BSN: variants seen among roughly 807,000 people sequenced by gnomAD.
BSN encodes protein bassoon.
Under a neutral mutation model 264.8 loss-of-function variants are expected in BSN, and 57 were observed. That is an observed-to-expected ratio of 0.22 (90% CI 0.17 to 0.27). The LOEUF (loss-of-function observed/expected upper bound fraction) is 0.27. Among genes scored for constraint, BSN ranks in the 10% least tolerant of loss-of-function variants. The probability of loss-of-function intolerance (pLI) is 1.00; values close to 1 mark genes in which losing one functional copy is unlikely to be tolerated. For synonymous variants in BSN, 2,059 were observed against 2,137.3 expected (o/e 0.96, Z 1.01); for missense variants, 4,615 against 5,232.5 (o/e 0.88, Z 3.64).
At chr3:49,627,247 C>G (rs1487531183) in intron 2 of BSN, among the ~76,000 whole-genome samples, 1 of 152,236 alleles carries the variant, frequency 6.6e-6, no homozygotes, top group African/African-American at 2.4e-5. Context: ...CTTTCCCAGA[C>G]TTGCTTTCAC....
At position 49,660,515 on chromosome 3, in the gene BSN, C is replaced by A; in HGVS notation, c.8670C>A (p.Val2890=). The A allele has an allele frequency of 6.5e-7, 1 of 1,543,064 alleles. No individual in the cohort carries two copies. The highest frequency in any genetic ancestry group is 1.3e-5 in the South Asian group (1 of 79,006). The part of the protein sequence containing the change: ...QVSALPPNSL[V]RKVKRTLPSP... Reference sequence around the variant, plus strand: ...CGGCGTTGCCACCCAACAGCCTGGTCCGCAAGGTGAAGCGGACACTGCCCA... The same window carrying A: ...CGGCGTTGCCACCCAACAGCCTGGTACGCAAGGTGAAGCGGACACTGCCCA... The change falls in exon 6 of 12, where the codon GTC becomes GTA. Residue 2890 remains valine, a synonymous_variant. Coordinates refer to ENST00000296452, the MANE Select transcript of BSN (RefSeq NM_003458.4). This position sits in a 1 kb window ranked among gnomAD's most constrained non-coding sequence, Gnocchi z 7.1.
chr3:49,657,059 T>C lies in BSN; in HGVS notation c.7503T>C (p.Tyr2501=). The C allele has an allele frequency of 6.2e-7, 1 of 1,609,980 alleles. No homozygotes were observed. Among genetic ancestry groups the C allele is most frequent in the South Asian group, 1.1e-5 (1 of 90,930 alleles). ...AAAELAQNGQ[Y]WPPLTHAAFI... ...CTGAGTTGGCCCAGAATGGCCAGTA[T>C]TGGCCCCCCCTTACACATGCAGCCT... Residue 2501 remains tyrosine, a synonymous_variant, in exon 5 of 12, where the codon TAT becomes TAC. Coordinates refer to ENST00000296452, the MANE Select transcript of BSN (RefSeq NM_003458.4).
chr3:49,608,755 G>T (rs936752435), intron 1 of BSN, among the ~76,000 whole-genome samples: 1 of 152,000 alleles, frequency 6.6e-6, no homozygotes, highest in Non-Finnish European at 1.5e-5. Flanking sequence ...TTGAACCCAG[G>T]AGGCGGAGGT....
intron 2 of BSN, among the ~76,000 whole-genome samples, chr3:49,626,545 T>C (rs1285515539): frequency 6.6e-6 from 1 of 152,120 alleles, no homozygotes; most frequent in African/African-American, 2.4e-5. Context: ...GCGTGCATGC[T>C]CGTGATTATT....
At chr3:49,579,334 G>A (rs1227309855) in intron 1 of BSN, among the ~76,000 whole-genome samples, 1 of 151,880 alleles carries the variant, frequency 6.6e-6, no homozygotes, top group Admixed American at 6.6e-5. Context: ...TCATTGTATG[G>A]ATGTACCACA....
intron 11 of BSN, among the ~76,000 whole-genome samples, chr3:49,666,776 C>T (rs571481632): frequency 2.9e-4 from 44 of 152,192 alleles, no homozygotes; most frequent in Admixed American, 9.8e-4. Context: ...GGGGTAAAGT[C>T]CAAGGGGGTG....
intron 1 of BSN, among the ~76,000 whole-genome samples, chr3:49,576,423 TTTTC>T: frequency 6.6e-6 from 1 of 151,620 alleles, no homozygotes; most frequent in Non-Finnish European, 1.5e-5. Context: ...CTTTTTTCTT[TTTTC>T]TTTTTTTTTT....
chr3:49,630,595 G>GACA (rs2052377477), intron 2 of BSN, among the ~76,000 whole-genome samples: 1 of 152,180 alleles, frequency 6.6e-6, no homozygotes, highest in African/African-American at 2.4e-5. Context: ...GCCGTGAGGA[G>GACA]ACAACAGGCA....
In BSN at chr3:49,593,777, GT is replaced by G. The variant is rs1182905384; in HGVS notation, c.225-31188del. ...GGTTCTTTATATATTCTAGATACTA[GT>G]TTTTTTTTTGTTTTGTTTTGTTTTT... is the stretch of plus-strand genomic sequence containing the variant. On this transcript the variant is annotated intron_variant, in intron 1 of 11. Coordinates refer to ENST00000296452, the MANE Select transcript of BSN (RefSeq NM_003458.4). 6.8e-4 allele frequency among the ~76,000 whole-genome samples: 90 copies of G among 131,838 alleles called. 1 individual carries two copies. The highest frequency in any genetic ancestry group is 2.8e-3 in the East Asian group (13 of 4,726). 86.5% of individuals were successfully genotyped at this position (131,838 alleles called of 152,430 possible).
chr3:49,557,575 G>GTTTTT (rs765139121), intron 1 of BSN, among the ~76,000 whole-genome samples: 7 of 132,458 alleles, frequency 5.3e-5, no homozygotes, highest in Non-Finnish European at 6.4e-5. Context: ...GCACCTGTCA[G>GTTTTT]TTTTTTTTTT....
At position 49,653,181 on chromosome 3, in the gene BSN, C is replaced by T. The variant is rs377429665; in HGVS notation, c.3625C>T (p.Arg1209Trp). Residue 1209 changes from arginine (R) to tryptophan (W), a missense_variant, in exon 5 of 12, where the codon CGG becomes TGG. By Grantham distance (101) the Arg-to-Trp change is moderately radical. Transcript: ENST00000296452. This position sits in a 1 kb window ranked among gnomAD's most constrained non-coding sequence, Gnocchi z 6.3. ...GCAGCAAGGCCAGGCAGCAGGGGCC[C>T]GGGGACCCCATGGCGGCCCCTCTCA... ...QRQQGQAAGA[R>W]GPHGGPSQPT... is the part of the protein sequence containing the mutation. The T allele has an allele frequency of 1.2e-4, 191 of 1,611,412 alleles. 1 individual carries two copies. In the South Asian group the frequency reaches 1.3e-3, roughly 11 times the overall value.
chr3:49,560,168 T>A (rs1311732840), intron 1 of BSN, among the ~76,000 whole-genome samples: 1 of 152,166 alleles, frequency 6.6e-6, no homozygotes. Flanking sequence ...GGGGGCTTAA[T>A]AAATCTTTCC....
chr3:49,636,192 G>T lies in BSN; in HGVS notation c.634-6076G>T, dbSNP rs773726960. Among the ~76,000 whole-genome samples the T allele has an allele frequency of 1.1e-4, 16 of 152,320 alleles. No individual in the cohort carries two copies. In the Middle Eastern group the frequency reaches 0.01, roughly 97 times the overall value. ...GTTGCAGGTCATCTGGAGTGACCAT[G>T]GAAGTCATTTAGCAGGAGTTTAAGA... On this transcript the variant is annotated intron_variant, in intron 2 of 11. Coordinates refer to ENST00000296452, the MANE Select transcript of BSN (RefSeq NM_003458.4).
At chr3:49,658,718 C>G (rs115548824) in intron 5 of BSN, among the ~76,000 whole-genome samples, 2,017 of 152,322 alleles carry the variant, frequency 0.013, 25 homozygotes, top group Non-Finnish European at 0.022. Flanking sequence ...GCAGTGTGCT[C>G]TCTGCCCCAG....
At chr3:49,598,341 C>G (rs2052041754) in intron 1 of BSN, among the ~76,000 whole-genome samples, 2 of 152,208 alleles carry the variant, frequency 1.3e-5, no homozygotes, top group Non-Finnish European at 2.9e-5. Flanking sequence ...TAAACTGACT[C>G]TAGCTAAACT....
chr3:49,600,162 G>C (rs1176551854), intron 1 of BSN, among the ~76,000 whole-genome samples: 1 of 152,220 alleles, frequency 6.6e-6, no homozygotes, highest in East Asian at 1.9e-4. Context: ...TTCAGGAGGA[G>C]GAGAGAGAGG....
rs1490747215 is a variant in BSN, at chr3:49,566,037, C to T, written c.224+11211C>T. On this transcript the variant is annotated intron_variant, in intron 1 of 11. Coordinates refer to ENST00000296452, the MANE Select transcript of BSN (RefSeq NM_003458.4). ...ACGGGGTTTTGCCATGTTGGCCAGG[C>T]TGGTCTTGAACGCCTTACCTCAGGT... Among the ~76,000 whole-genome samples, 3 of 152,266 alleles carry T rather than the reference C, an allele frequency of 2.0e-5. No homozygotes were observed. The East Asian group carries it at 5.8e-4, about 29-fold the overall frequency.
rs140549450 is a variant in BSN, at chr3:49,602,073, A to G, written c.225-22902A>G. Among the ~76,000 whole-genome samples the G allele has an allele frequency of 5.3e-5, 8 of 152,246 alleles. No individual in the cohort carries two copies. The East Asian group carries it at 1.5e-3, about 29-fold the overall frequency. On this transcript the variant is annotated intron_variant, in intron 1 of 11. Coordinates refer to ENST00000296452, the MANE Select transcript of BSN (RefSeq NM_003458.4). ...TACTTGGGACCCCTTTAATTAGCCT[A>G]CTGTGTTTGGGTGAGTTGGGGTAGG...
intron 1 of BSN, among the ~76,000 whole-genome samples, chr3:49,610,809 G>A (rs1005347215): frequency 1.3e-5 from 2 of 152,162 alleles, no homozygotes; most frequent in South Asian, 2.1e-4. Flanking sequence ...CATACACTGG[G>A]ATGTTTCTGG....
Sources: gnomAD v4.1 joint callset for allele counts (sites outside exome capture counted in the v4.1 genomes callset) on GRCh38, gnomAD v4.1.1 for gene constraint, Gnocchi (gnomAD v3.1) non-coding constraint, MANE v1.5 for transcripts, NCBI Gene and HGNC (gene_info 2026-07-23, HGNC 2026-07-21) for gene names.